LRRTM4: variants seen among roughly 807,000 people sequenced by gnomAD.
LRRTM4 encodes the protein leucine rich repeat transmembrane neuronal 4, also known as leucine-rich repeat transmembrane neuronal protein 4.
A neutral mutation model predicts 47.6 loss-of-function variants in LRRTM4; 25 were observed. The observed-to-expected ratio is 0.53, with a 90% CI of 0.38 to 0.73. The LOEUF (loss-of-function observed/expected upper bound fraction) is 0.73, where lower values mean the gene tolerates loss of function less well. Among genes scored for constraint, LRRTM4 ranks in the 30% least tolerant of loss-of-function variants. LRRTM4 has a pLI of 0.00. For missense variants in LRRTM4, 638 were observed against 713.4 expected, an observed-to-expected ratio of 0.89 and a Z score of 1.20; for synonymous variants, 311 against 269.5, an observed-to-expected ratio of 1.15 and a Z score of -1.51.
intron 3 of LRRTM4, among the ~76,000 whole-genome samples, chr2:77,261,409 A>C (rs1219464835): frequency 6.6e-6 from 1 of 152,106 alleles, no homozygotes; most frequent in Non-Finnish European, 1.5e-5. Context: ...ACCATCCATG[A>C]TATCTTTTCT....
At chr2:77,521,305 G>A (rs1679486006) in intron 2 of LRRTM4, among the ~76,000 whole-genome samples, 1 of 151,880 alleles carries the variant, frequency 6.6e-6, no homozygotes, top group South Asian at 2.1e-4. Context: ...AGTGTTAATA[G>A]TCATCCTGAC....
At chr2:76,984,427 A>G (rs1676723722) in intron 3 of LRRTM4, among the ~76,000 whole-genome samples, 2 of 151,984 alleles carry the variant, frequency 1.3e-5, no homozygotes, top group Admixed American at 1.3e-4. Context: ...ATACTGTTGC[A>G]TGTTTTAGTT....
chr2:76,862,466 G>A (rs1181610625), intron 3 of LRRTM4, among the ~76,000 whole-genome samples: 3 of 151,892 alleles, frequency 2.0e-5, no homozygotes, highest in Non-Finnish European at 4.4e-5. Flanking sequence ...TGTCACTTCT[G>A]AGGTGAGAAT....
chr2:76,967,834 C>T (rs1277750159), intron 3 of LRRTM4, among the ~76,000 whole-genome samples: 1 of 151,062 alleles, frequency 6.6e-6, no homozygotes, highest in Non-Finnish European at 1.5e-5. Flanking sequence ...TAAATCACAA[C>T]TTGTAAATAC....
intron 3 of LRRTM4, among the ~76,000 whole-genome samples, chr2:77,508,067 A>T (rs1678848120): frequency 6.6e-6 from 1 of 152,122 alleles, no homozygotes; most frequent in South Asian, 2.1e-4. Flanking sequence ...TGATCCCATA[A>T]TCAATTCCCA....
In LRRTM4 at chr2:76,899,946, A is replaced by G. The variant is rs574252830; in HGVS notation, c.1552-151030T>C. On this transcript the variant is annotated intron_variant, in intron 3 of 3. Coordinates refer to ENST00000409884, the MANE Select transcript of LRRTM4 (RefSeq NM_001134745.3). ...TTAATAACTGAATATATGCTAGTAG[A>G]CACCAGGTGCGGTGGCTCACACCTG... Among the ~76,000 whole-genome samples, 4 of 152,104 alleles carry G rather than the reference A, an allele frequency of 2.6e-5. No individual in the cohort carries two copies. The South Asian group carries it at 8.3e-4, about 32-fold the overall frequency.
intron 3 of LRRTM4, among the ~76,000 whole-genome samples, chr2:77,309,921 C>A (rs1193965718): frequency 6.6e-6 from 1 of 152,138 alleles, no homozygotes; most frequent in Non-Finnish European, 1.5e-5. Flanking sequence ...TATTGGAATA[C>A]AGCCACACCA....
At chr2:76,925,335 C>T (rs1001475429) in intron 3 of LRRTM4, among the ~76,000 whole-genome samples, 9 of 152,150 alleles carry the variant, frequency 5.9e-5, no homozygotes, top group African/African-American at 2.2e-4. Context: ...AAAGTCTGTT[C>T]TGGCAACAAC....
intron 3 of LRRTM4, among the ~76,000 whole-genome samples, chr2:77,298,823 A>G (rs754482953): frequency 8.5e-5 from 13 of 152,132 alleles, no homozygotes; most frequent in Non-Finnish European, 1.9e-4. Context: ...AAGCAATGCT[A>G]TTTTCTGCAT....
At chr2:76,820,720 A>C (rs1164883964) in intron 3 of LRRTM4, among the ~76,000 whole-genome samples, 1 of 151,802 alleles carries the variant, frequency 6.6e-6, no homozygotes, top group African/African-American at 2.4e-5. Context: ...CTTCCCATTA[A>C]AAATAATAGA....
intron 3 of LRRTM4, among the ~76,000 whole-genome samples, chr2:76,813,784 A>G (rs1035305578): frequency 2.0e-5 from 3 of 152,272 alleles, no homozygotes; most frequent in African/African-American, 7.2e-5. Flanking sequence ...TTAGATTCAC[A>G]CAAAGATTGT....
chr2:77,436,289 C>T (rs977245959), intron 3 of LRRTM4, among the ~76,000 whole-genome samples: 1 of 152,042 alleles, frequency 6.6e-6, no homozygotes, highest in Non-Finnish European at 1.5e-5. Context: ...CTAAACATGA[C>T]ATATACCTTG....
intron 3 of LRRTM4, among the ~76,000 whole-genome samples, chr2:77,088,253 TCGCGTC>T (rs1384771639): frequency 6.6e-6 from 1 of 152,138 alleles, no homozygotes; most frequent in Non-Finnish European, 1.5e-5. Flanking sequence ...CCTGAAGCAA[TCGCGTC>T]CCCTGTGACT....
At chr2:77,105,098 T>C (rs933767938) in intron 3 of LRRTM4, among the ~76,000 whole-genome samples, 3 of 151,414 alleles carry the variant, frequency 2.0e-5, no homozygotes, top group Non-Finnish European at 4.4e-5. Context: ...GGGGAAACCA[T>C]TTAGATTAAG....
At chr2:77,029,050 C>CACACAA (rs1553373430) in intron 3 of LRRTM4, among the ~76,000 whole-genome samples, 5 of 118,646 alleles carry the variant, frequency 4.2e-5, no homozygotes, top group East Asian at 4.5e-4. Flanking sequence ...CACACACACA[C>CACACAA]AAATATATAT....
At chr2:77,082,708 C>T (rs1418593063) in intron 3 of LRRTM4, among the ~76,000 whole-genome samples, 3 of 151,830 alleles carry the variant, frequency 2.0e-5, no homozygotes, top group African/African-American at 7.3e-5. Flanking sequence ...TAGAAATATC[C>T]TATTTGTTCT....
At chr2:77,273,495 C>G (rs958481938) in intron 3 of LRRTM4, among the ~76,000 whole-genome samples, 1 of 151,986 alleles carries the variant, frequency 6.6e-6, no homozygotes, top group Non-Finnish European at 1.5e-5. Flanking sequence ...CCCATTTAAA[C>G]CACACTTTCA....
intron 3 of LRRTM4, among the ~76,000 whole-genome samples, chr2:77,001,407 C>T (rs1444594807): frequency 6.6e-6 from 1 of 152,122 alleles, no homozygotes; most frequent in Non-Finnish European, 1.5e-5. Context: ...CTACCTGCTA[C>T]CTCAACAAGC....
intron 3 of LRRTM4, among the ~76,000 whole-genome samples, chr2:77,019,024 G>C (rs192327465): frequency 5.9e-5 from 9 of 152,020 alleles, no homozygotes; most frequent in African/African-American, 1.7e-4. Context: ...CAGAAATGTA[G>C]TGAATTTGAA....
Sources: allele counts gnomAD v4.1 joint callset (sites outside exome capture counted in the v4.1 genomes callset), GRCh38; gene constraint gnomAD v4.1.1; transcripts MANE v1.5; gene names NCBI Gene and HGNC (gene_info 2026-07-23, HGNC 2026-07-21).